The following MGAT1 variants were observed in gnomAD, a reference collection of about 807,000 sequenced individuals.
MGAT1 encodes N-glycosyl-oligosaccharide-glycoprotein N-acetylglucosaminyltransferase I.
MGAT1 carries 14 observed loss-of-function variants against 31.7 expected under a neutral mutation model. That is an observed-to-expected ratio of 0.44 (90% CI 0.29 to 0.69). The LOEUF is 0.69. Among genes scored for constraint, MGAT1 ranks in the 30% least tolerant of loss-of-function variants. The pLI, the probability that MGAT1 is intolerant of heterozygous loss-of-function variation, is 0.12. For missense variants in MGAT1, 557 were observed against 626.0 expected, an observed-to-expected ratio of 0.89 and a Z score of 1.18; for synonymous variants, 338 against 276.0, an observed-to-expected ratio of 1.22 and a Z score of -2.23.
At chr5:180,799,799 G>C (rs1770330225) in intron 1 of MGAT1, among the ~76,000 whole-genome samples, 1 of 152,232 alleles carries the variant, frequency 6.6e-6, no homozygotes, top group Admixed American at 6.5e-5. Flanking sequence ...GTTCTGGGAA[G>C]AGATGCTATG....
chr5:180,790,195 GACCACCCT>G lies in MGAT1; in HGVS notation c.*1431_*1438del, dbSNP rs1767876246. 6.6e-6 allele frequency: 1 copy of G among 152,304 alleles called. No homozygotes were observed. The highest frequency in any genetic ancestry group is 2.4e-5 in the African/African-American group (1 of 41,430). 9.4% of individuals were successfully genotyped at this position (152,304 alleles called of 1,614,324 possible). A position where few individuals can be genotyped will look rare whatever the true frequency, so the allele number is the denominator to read the frequency against. On this transcript the variant is annotated 3_prime_UTR_variant, in exon 2 of 2. Transcript: ENST00000307826. ...CACCGGGCACAAAGCACCACTCAGG[GACCACCCT>G]GATCAGAGGACCTGGTTCTTCCCCA...
rs180952808 is a variant in MGAT1, at chr5:180,791,517, T to A, written c.*117A>T. The A allele has an allele frequency of 5.1e-4, 662 of 1,308,802 alleles. 3 individuals are homozygous for A. The African/African-American group carries it at 8.5e-3, about 17-fold the overall frequency. 81.1% of individuals were successfully genotyped at this position (1,308,802 alleles called of 1,614,324 possible). Reference sequence around the variant, plus strand: ...TGCACTTAAATGCCACTCGGAAAAATCAAAAAGATAAATGCACCTAAGAGG... The same window carrying A: ...TGCACTTAAATGCCACTCGGAAAAAACAAAAAGATAAATGCACCTAAGAGG... On this transcript the variant is annotated 3_prime_UTR_variant, in exon 2 of 2. Coordinates refer to ENST00000307826, the MANE Select transcript of MGAT1 (RefSeq NM_002406.4).
intron 2 of MGAT1, among the ~76,000 whole-genome samples, chr5:180,807,925 A>G (rs1328289672): frequency 6.6e-6 from 1 of 152,186 alleles, no homozygotes; most frequent in African/African-American, 2.4e-5. Context: ...CATCGATGTT[A>G]TTGTTTCCTG....
Position 180,812,056 on chromosome 5 carries a change from A to G in MGAT1, c.-545-2990T>C, listed in dbSNP as rs368132755. 2.9e-4 allele frequency among the ~76,000 whole-genome samples: 44 copies of G among 152,122 alleles called. No individual in the cohort carries two copies. In the East Asian group the frequency reaches 7.9e-3, roughly 27 times the overall value. ...CTCCACTTTTCCCAGGACGCTCACC[A>G]CTTCCTGAAATACTCGCCGGGTTTA... On this transcript the variant is annotated intron_variant, in intron 1 of 2. Transcript: ENST00000333055.
chr5:180,789,674 C>A lies in MGAT1; in HGVS notation c.*1960G>T, dbSNP rs1767822122. The A allele has an allele frequency of 6.6e-6, 1 of 152,196 alleles. No individual in the cohort carries two copies. The highest frequency in any genetic ancestry group is 2.4e-5 in the African/African-American group (1 of 41,440). 9.4% of individuals were successfully genotyped at this position (152,196 alleles called of 1,614,324 possible). A position where few individuals can be genotyped will look rare whatever the true frequency, so the allele number is the denominator to read the frequency against. ...ACAGAGTCTTGCTCTGTCGCCCAGG[C>A]TGGAGTGCAGTGGTATGATCTTGGA... On this transcript the variant is annotated 3_prime_UTR_variant, in exon 2 of 2. Coordinates refer to ENST00000307826, the MANE Select transcript of MGAT1 (RefSeq NM_002406.4).
At position 180,788,894 on chromosome 5, in the gene MGAT1, G is replaced by C. The variant is rs112761541; in HGVS notation, c.*2740C>G. 6 of 152,436 alleles carry C rather than the reference G, an allele frequency of 3.9e-5. No homozygotes were observed. The highest frequency in any genetic ancestry group is 2.0e-4 in the Admixed American group (3 of 15,308). 9.4% of individuals were successfully genotyped at this position (152,436 alleles called of 1,614,324 possible). A position where few individuals can be genotyped will look rare whatever the true frequency, so the allele number is the denominator to read the frequency against. ...GTTGGTACTTATCCTGGAGCACTCA[G>C]AACAATGCACTTGGCTAGCTGCATG... On this transcript the variant is annotated 3_prime_UTR_variant, in exon 2 of 2. Coordinates refer to ENST00000307826, the MANE Select transcript of MGAT1 (RefSeq NM_002406.4).
At chr5:180,793,833 A>C (rs1768764186) in intron 1 of MGAT1, among the ~76,000 whole-genome samples, 1 of 152,232 alleles carries the variant, frequency 6.6e-6, no homozygotes, top group Non-Finnish European at 1.5e-5. Context: ...AGAAATGAGA[A>C]AATATTTAGA....
chr5:180,801,554 C>T (rs981390924), intron 1 of MGAT1, among the ~76,000 whole-genome samples: 3 of 152,016 alleles, frequency 2.0e-5, no homozygotes, highest in African/African-American at 7.3e-5. Flanking sequence ...AGAATAAGAC[C>T]TAGGAGGGAA....
chr5:180,806,234 C>T (rs1771843512), upstream of MGAT1, among the ~76,000 whole-genome samples: 1 of 151,796 alleles, frequency 6.6e-6, no homozygotes, highest in African/African-American at 2.4e-5. Context: ...TTCAGTGAGC[C>T]GAGATCGCAC....
intron 1 of MGAT1, among the ~76,000 whole-genome samples, chr5:180,793,507 C>T (rs1375399346): frequency 6.6e-6 from 1 of 152,152 alleles, no homozygotes; most frequent in Non-Finnish European, 1.5e-5. Context: ...AGGGAAGCAC[C>T]AGAGGCACCC....
At chr5:180,798,549 T>A (rs1390783210) in intron 1 of MGAT1, among the ~76,000 whole-genome samples, 1 of 152,230 alleles carries the variant, frequency 6.6e-6, no homozygotes, top group African/African-American at 2.4e-5. Flanking sequence ...GCCGCTGTGC[T>A]AGGGCTCTCA....
In MGAT1 at chr5:180,812,114, T is replaced by C. The variant is rs568206672; in HGVS notation, c.-545-3048A>G. 3.3e-5 allele frequency among the ~76,000 whole-genome samples: 5 copies of C among 152,342 alleles called. No homozygotes were observed. In the South Asian group the frequency reaches 8.3e-4, roughly 25 times the overall value. ...TTGTCTGTCTCCCACTACTAGAATT[T>C]AAGTTCCCTGAGTGGAGGCACATTT... is the stretch of plus-strand genomic sequence containing the variant. On this transcript the variant is annotated intron_variant, in intron 1 of 2. Coordinates refer to the MGAT1 transcript ENST00000333055.
upstream of MGAT1, among the ~76,000 whole-genome samples, chr5:180,806,174 T>C (rs1771834477): frequency 6.6e-6 from 1 of 152,028 alleles, no homozygotes; most frequent in South Asian, 2.1e-4. Context: ...TAGTCCCAGC[T>C]ACTTGGGAGG....
chr5:180,797,051 G>A (rs990451031), intron 1 of MGAT1, among the ~76,000 whole-genome samples: 1 of 152,198 alleles, frequency 6.6e-6, no homozygotes. Context: ...TTATATAACA[G>A]GATGGGGATG....
chr5:180,792,453 C>T lies in MGAT1; in HGVS notation c.519G>A (p.Pro173=), dbSNP rs1031356797. 7.4e-6 allele frequency: 12 copies of T among 1,612,166 alleles called. No homozygotes were observed. Among genetic ancestry groups the T allele is most frequent in the South Asian group, 1.1e-5 (1 of 91,008 alleles). Reference sequence around the variant, plus strand: ...AGCCCTGGAACTTGCGGTGGTCCGGCGGCACCGCAATGCTGCTCAGGTCGG... The same window carrying T: ...AGCCCTGGAACTTGCGGTGGTCCGGTGGCACCGCAATGCTGCTCAGGTCGG... The part of the protein sequence containing the change: ...RQPDLSSIAV[P]PDHRKFQGYY... Residue 173 remains proline, a synonymous_variant, in exon 2 of 2, where the codon CCG becomes CCA. Transcript: ENST00000307826.
At chr5:180,796,416 G>A (rs6867984) in intron 1 of MGAT1, among the ~76,000 whole-genome samples, 18,957 of 152,096 alleles carry the variant, frequency 0.12, 1,260 homozygotes, top group East Asian at 0.25. Context: ...CAAATATTAT[G>A]TATCAATTAG....
At chr5:180,807,692 G>C (rs1170186412), upstream of MGAT1, among the ~76,000 whole-genome samples, 2 of 152,214 alleles carry the variant, frequency 1.3e-5, no homozygotes, top group Non-Finnish European at 2.9e-5. Flanking sequence ...GGCCAATGCA[G>C]TATCTGCAAG....
In MGAT1 at chr5:180,787,587, A is replaced by C. The variant is rs1230219001; in HGVS notation, c.*4047T>G. 6.6e-6 allele frequency: 1 copy of C among 152,250 alleles called. No homozygotes were observed. The highest frequency in any genetic ancestry group is 1.5e-5 in the Non-Finnish European group (1 of 68,056). 9.4% of individuals were successfully genotyped at this position (152,250 alleles called of 1,614,324 possible). On this transcript the variant is annotated 3_prime_UTR_variant, in exon 2 of 2. Transcript: ENST00000307826. ...TGGAAGGATACACCACCCACGCGTA[A>C]ACACACGTTAAGGGAGCGTGTGCAG...
At chr5:180,810,183 C>A (rs1385889997) in intron 1 of MGAT1, 3 of 151,754 alleles carry the variant, frequency 2.0e-5, no homozygotes, top group African/African-American at 7.3e-5. Flanking sequence ...ACTCCTTCCC[C>A]CCTCCCACCA....
Sources: allele counts gnomAD v4.1 joint callset (sites outside exome capture counted in the v4.1 genomes callset), GRCh38; gene constraint gnomAD v4.1.1; transcripts MANE v1.5; gene names NCBI Gene and HGNC (gene_info 2026-07-23, HGNC 2026-07-21).